Variants in LRP1B observed in about 807,000 individuals in gnomAD.
LRP1B encodes the protein LDL receptor related protein 1B.
LRP1B carries 217 observed loss-of-function variants against 556.6 expected under a neutral mutation model. The observed-to-expected ratio is 0.39, with a 90% CI of 0.35 to 0.44. LRP1B has a LOEUF of 0.44. Ranked by LOEUF, LRP1B falls within the 20% of genes least tolerant of loss-of-function variation. The pLI is 1.00. For synonymous variants in LRP1B, 2,047 were observed against 1,865.8 expected (o/e 1.10, Z -2.50); for missense variants, 5,053 against 5,620.8 (o/e 0.90, Z 3.23).
chr2:141,680,743 T>A (rs527314018), intron 2 of LRP1B, among the ~76,000 whole-genome samples: 1 of 152,292 alleles, frequency 6.6e-6, no homozygotes, highest in Admixed American at 6.5e-5. Flanking sequence ...TTGCAAAATT[T>A]CTAGGAAGTG....
intron 3 of LRP1B, among the ~76,000 whole-genome samples, chr2:141,398,510 C>G (rs1448631237): frequency 6.6e-6 from 1 of 152,028 alleles, no homozygotes; most frequent in Non-Finnish European, 1.5e-5. Flanking sequence ...TTTCCGATCC[C>G]CAGGTCATTC....
At chr2:141,732,580 A>G (rs746821013) in intron 2 of LRP1B, among the ~76,000 whole-genome samples, 2 of 152,152 alleles carry the variant, frequency 1.3e-5, no homozygotes, top group Non-Finnish European at 2.9e-5. Context: ...GCTTACCCCT[A>G]TAACTAATTT....
At chr2:141,771,901 C>T (rs1201338236) in intron 2 of LRP1B, among the ~76,000 whole-genome samples, 1 of 152,128 alleles carries the variant, frequency 6.6e-6, no homozygotes, top group Admixed American at 6.5e-5. Context: ...TCACTGTAAT[C>T]TCTGCCTTCC....
intron 20 of LRP1B, among the ~76,000 whole-genome samples, chr2:140,936,362 AGAAAG>A (rs1559204785): frequency 8.9e-6 from 1 of 112,238 alleles, no homozygotes; most frequent in Non-Finnish European, 1.8e-5. Context: ...AAAAAAAAAA[AGAAAG>A]GAAAAAAGAA....
At chr2:141,973,247 C>T (rs1164442819) in intron 1 of LRP1B, among the ~76,000 whole-genome samples, 1 of 151,502 alleles carries the variant, frequency 6.6e-6, no homozygotes, top group Non-Finnish European at 1.5e-5. Flanking sequence ...TTTAATAACT[C>T]TTTATTGATT....
At chr2:140,684,747 C>T (rs1423695372) in intron 41 of LRP1B, among the ~76,000 whole-genome samples, 1 of 152,084 alleles carries the variant, frequency 6.6e-6, no homozygotes, top group Non-Finnish European at 1.5e-5. Flanking sequence ...TTACCAACAT[C>T]CCTTTTTATA....
chr2:140,874,126 A>C (rs1693228432), intron 25 of LRP1B, among the ~76,000 whole-genome samples: 1 of 152,156 alleles, frequency 6.6e-6, no homozygotes, highest in Admixed American at 6.5e-5. Flanking sequence ...TTTTAAAAAA[A>C]CAACTTTTAT....
chr2:140,540,860 G>A (rs1418166630), intron 45 of LRP1B, 113 bp downstream of exon 45: 6 of 1,160,508 alleles, frequency 5.2e-6, no homozygotes, highest in Non-Finnish European at 7.2e-6. Context: ...ACATGACTAA[G>A]CTTCTAATAT....
intron 41 of LRP1B, among the ~76,000 whole-genome samples, chr2:140,672,447 G>T (rs1685519230): frequency 7.6e-6 from 1 of 132,038 alleles, no homozygotes; most frequent in Non-Finnish European, 1.5e-5. Context: ...TCGCACCATT[G>T]CACTCCAGCC....
chr2:141,942,270 A>G (rs1700831193), intron 1 of LRP1B, among the ~76,000 whole-genome samples: 1 of 152,178 alleles, frequency 6.6e-6, no homozygotes, highest in Admixed American at 6.5e-5. Flanking sequence ...TTCTTTAGGC[A>G]CTGTTCTGCT....
chr2:142,019,317 G>A (rs1703254900), intron 1 of LRP1B, among the ~76,000 whole-genome samples: 1 of 152,094 alleles, frequency 6.6e-6, no homozygotes, highest in Non-Finnish European at 1.5e-5. Context: ...GTGTTGGAAG[G>A]GAAAATAAAG....
intron 86 of LRP1B, among the ~76,000 whole-genome samples, chr2:140,250,398 T>C (rs1427043511): frequency 6.6e-6 from 1 of 151,842 alleles, no homozygotes; most frequent in Non-Finnish European, 1.5e-5. Context: ...CAGATACTTA[T>C]TGACTATTCA....
chr2:140,732,842 A>G (rs1687823128), intron 35 of LRP1B, among the ~76,000 whole-genome samples: 1 of 152,230 alleles, frequency 6.6e-6, no homozygotes, highest in Non-Finnish European at 1.5e-5. Context: ...TCCTTAAGAA[A>G]TTTTGATTCA....
Position 141,848,646 on chromosome 2 carries a change from T to C in LRP1B, c.83-38245A>G, listed in dbSNP as rs114746429. On this transcript the variant is annotated intron_variant, in intron 1 of 90. Coordinates refer to ENST00000389484, the MANE Select transcript of LRP1B (RefSeq NM_018557.3). ...TTTGGTTACATTAACACCAAATGTA[T>C]ATAGATGAACTCTGTGCATGGTTTC... Among the ~76,000 whole-genome samples the C allele has an allele frequency of 2.6e-3, 389 of 151,670 alleles. 6 individuals carry two copies. The highest frequency in any genetic ancestry group is 9.1e-3 in the African/African-American group (376 of 41,500).
intron 43 of LRP1B, among the ~76,000 whole-genome samples, chr2:140,571,200 T>C (rs1413123313): frequency 6.6e-6 from 1 of 151,764 alleles, no homozygotes; most frequent in African/African-American, 2.4e-5. Context: ...GCATCAAAAT[T>C]GGAAACGGGA....
At chr2:141,752,436 C>A (rs1694147799) in intron 2 of LRP1B, among the ~76,000 whole-genome samples, 1 of 152,102 alleles carries the variant, frequency 6.6e-6, no homozygotes, top group Non-Finnish European at 1.5e-5. Flanking sequence ...TCCTGAAAGA[C>A]TTTCCATACT....
intron 41 of LRP1B, among the ~76,000 whole-genome samples, chr2:140,621,197 C>A (rs1211021225): frequency 6.6e-6 from 1 of 150,644 alleles, no homozygotes; most frequent in East Asian, 1.9e-4. Flanking sequence ...CTGGCTAACA[C>A]GGTGAAACCC....
chr2:140,899,545 T>C lies in LRP1B; in HGVS notation c.3766+3375A>G, dbSNP rs530978270. The stretch of plus-strand genomic sequence containing the variant: ...ATTTCATTTCTATGTTAACACTTCA[T>C]ATTTGTATGAAATTCAAGTAATTTG... On this transcript the variant is annotated intron_variant, in intron 23 of 90. Coordinates refer to ENST00000389484, the MANE Select transcript of LRP1B (RefSeq NM_018557.3). Among the ~76,000 whole-genome samples the C allele has an allele frequency of 7.9e-5, 12 of 152,354 alleles. No homozygotes were observed. In the East Asian group the frequency reaches 2.3e-3, roughly 29 times the overall value.
chr2:141,653,318 A>G (rs1304374628), intron 2 of LRP1B, among the ~76,000 whole-genome samples: 1 of 152,184 alleles, frequency 6.6e-6, no homozygotes, highest in East Asian at 1.9e-4. Flanking sequence ...AGAGTTCATG[A>G]TGAAGCTTTT....
Sources: gnomAD v4.1 joint callset for allele counts (sites outside exome capture counted in the v4.1 genomes callset) on GRCh38, gnomAD v4.1.1 for gene constraint, MANE v1.5 for transcripts, NCBI Gene and HGNC (gene_info 2026-07-23, HGNC 2026-07-21) for gene names.